Variants in TRHDE observed in about 807,000 individuals in gnomAD.
TRHDE encodes thyrotropin-releasing hormone-degrading ectoenzyme.
TRHDE carries 72 observed loss-of-function variants against 125.7 expected under a neutral mutation model. The ratio of observed to expected loss-of-function variants is 0.57; its 90% CI spans 0.47 to 0.70. The LOEUF is 0.70. Ranked by LOEUF, TRHDE falls within the 30% of genes least tolerant of loss-of-function variation. The probability of loss-of-function intolerance (pLI) is 0.00; values close to 1 mark genes in which losing one functional copy is unlikely to be tolerated. For missense variants in TRHDE, 1,110 were observed against 1,327.1 expected, an observed-to-expected ratio of 0.84 and a Z score of 2.54; for synonymous variants, 509 against 509.1, an observed-to-expected ratio of 1.00 and a Z score of 0.00.
intron 3 of TRHDE, 74 bp from the exon 4 acceptor site, chr12:72,469,684 A>T: frequency 6.7e-7 from 1 of 1,489,890 alleles, no homozygotes; most frequent in East Asian, 2.3e-5. Flanking sequence ...GGATTTCTGG[A>T]CACTTTTTAG....
At chr12:72,223,346 CA>C (rs1354094245) in intron 2 of TRHDE, among the ~76,000 whole-genome samples, 2 of 152,022 alleles carry the variant, frequency 1.3e-5, no homozygotes, top group Non-Finnish European at 2.9e-5. Flanking sequence ...TTTTACAACC[CA>C]AGGTTAACAG....
At chr12:72,426,861 G>T (rs1183721003) in intron 3 of TRHDE, among the ~76,000 whole-genome samples, 1 of 151,360 alleles carries the variant, frequency 6.6e-6, no homozygotes, top group Non-Finnish European at 1.5e-5. Flanking sequence ...TGTTGTTTTT[G>T]TTTTTTTCTC....
chr12:72,422,487 T>C (rs1180200856), intron 3 of TRHDE, among the ~76,000 whole-genome samples: 1 of 152,166 alleles, frequency 6.6e-6, no homozygotes, highest in Non-Finnish European at 1.5e-5. Flanking sequence ...TGGAGAGAAA[T>C]GGATTAAGAT....
chr12:72,312,247 T>C (rs370793544), intron 2 of TRHDE, among the ~76,000 whole-genome samples: 24 of 152,290 alleles, frequency 1.6e-4, no homozygotes, highest in East Asian at 5.8e-4. Flanking sequence ...ATGATGACTT[T>C]TCAGTGTCGT....
intron 7 of TRHDE, 121 bp downstream of exon 7, chr12:72,542,477 G>A (rs1869203256): frequency 3.0e-6 from 2 of 675,908 alleles, no homozygotes; most frequent in Non-Finnish European, 4.8e-6. Flanking sequence ...TGTAAGTTAA[G>A]CAATGTCTTT....
At chr12:72,514,190 A>G (rs1484124914) in intron 6 of TRHDE, among the ~76,000 whole-genome samples, 1 of 152,158 alleles carries the variant, frequency 6.6e-6, no homozygotes, top group Non-Finnish European at 1.5e-5. Context: ...CCACAGATAA[A>G]TCTCAAGGAA....
intron 3 of TRHDE, among the ~76,000 whole-genome samples, chr12:72,392,593 C>T (rs975309216): frequency 6.6e-6 from 1 of 152,138 alleles, no homozygotes; most frequent in African/African-American, 2.4e-5. Flanking sequence ...ATCTCAGTTA[C>T]AATTATGCCA....
At chr12:72,491,197 A>T (rs893022778) in intron 5 of TRHDE, among the ~76,000 whole-genome samples, 20 of 152,028 alleles carry the variant, frequency 1.3e-4, no homozygotes, top group African/African-American at 4.3e-4. Context: ...AAGCTAAATG[A>T]CATGCATATT....
chr12:72,307,822 C>G (rs1352757072), intron 2 of TRHDE, among the ~76,000 whole-genome samples: 1 of 152,140 alleles, frequency 6.6e-6, no homozygotes, highest in Non-Finnish European at 1.5e-5. Flanking sequence ...TTTCCATTGT[C>G]TAAATGGATA....
At chr12:72,196,536 T>C (rs1440396705) in intron 2 of TRHDE, among the ~76,000 whole-genome samples, 6 of 152,058 alleles carry the variant, frequency 3.9e-5, no homozygotes, top group Non-Finnish European at 7.4e-5. Flanking sequence ...GCTTGAACAT[T>C]ATTTGTGTAC....
chr12:72,604,946 G>T (rs553270176), intron 12 of TRHDE, among the ~76,000 whole-genome samples: 1 of 151,944 alleles, frequency 6.6e-6, no homozygotes, highest in South Asian at 2.1e-4. Context: ...CTTTTTCTAC[G>T]TTTTATTTGA....
At chr12:72,103,603 C>A (rs1875116893) in intron 1 of TRHDE, among the ~76,000 whole-genome samples, 1 of 152,036 alleles carries the variant, frequency 6.6e-6, no homozygotes, top group African/African-American at 2.4e-5. Flanking sequence ...TTCTGTGTTT[C>A]CACAGTCCTC....
intron 3 of TRHDE, among the ~76,000 whole-genome samples, chr12:72,423,835 T>C (rs1017876649): frequency 2.6e-5 from 4 of 151,896 alleles, no homozygotes; most frequent in African/African-American, 9.7e-5. Flanking sequence ...AGAGGCAATG[T>C]GATGATGGAA....
intron 15 of TRHDE, among the ~76,000 whole-genome samples, chr12:72,622,539 G>T (rs989962598): frequency 7.2e-5 from 11 of 152,000 alleles, no homozygotes; most frequent in African/African-American, 2.7e-4. Context: ...TCCTAGGAAG[G>T]AAGAGAAGCT....
At chr12:72,288,767 C>G (rs556361455) in intron 2 of TRHDE, among the ~76,000 whole-genome samples, 8 of 152,228 alleles carry the variant, frequency 5.3e-5, no homozygotes, top group African/African-American at 1.7e-4. Flanking sequence ...CAGACACTCT[C>G]TAATAGTTAC....
At chr12:72,646,820 G>A (rs1874300310) in intron 15 of TRHDE, among the ~76,000 whole-genome samples, 1 of 151,830 alleles carries the variant, frequency 6.6e-6, no homozygotes, top group South Asian at 2.1e-4. Context: ...CAACATTAGA[G>A]CACCTAAATA....
intron 6 of TRHDE, among the ~76,000 whole-genome samples, chr12:72,521,992 A>G (rs896054292): frequency 1.3e-5 from 2 of 152,356 alleles, no homozygotes; most frequent in East Asian, 1.9e-4. Context: ...CTCAGTTAAC[A>G]TGTATATAAT....
intron 6 of TRHDE, among the ~76,000 whole-genome samples, chr12:72,541,075 A>G (rs1231853608): frequency 1.3e-5 from 2 of 151,740 alleles, no homozygotes; most frequent in Non-Finnish European, 3.0e-5. Flanking sequence ...ACAGCAGTCC[A>G]GTCCCTGGCT....
chr12:72,318,925 G>A (rs1309440953), intron 2 of TRHDE, among the ~76,000 whole-genome samples: 1 of 152,102 alleles, frequency 6.6e-6, no homozygotes, highest in Non-Finnish European at 1.5e-5. Context: ...TCATTGGTAG[G>A]ATGATTCTGG....
Sources: gnomAD v4.1 joint callset for allele counts (sites outside exome capture counted in the v4.1 genomes callset) on GRCh38, gnomAD v4.1.1 for gene constraint, MANE v1.5 for transcripts, NCBI Gene and HGNC (gene_info 2026-07-23, HGNC 2026-07-21) for gene names.